CD302: variants seen among roughly 807,000 people sequenced by gnomAD.
CD302 encodes CD302 molecule, also known as CD302 antigen.
CD302 carries 23 observed loss-of-function variants against 26.5 expected under a neutral mutation model. The observed-to-expected ratio is 0.87, with a 90% CI of 0.62 to 1.23. CD302 has a LOEUF of 1.23. CD302 is among the 50% of genes most tolerant of loss of function. The probability of loss-of-function intolerance (pLI) is 0.00; values close to 1 mark genes in which losing one functional copy is unlikely to be tolerated. For synonymous variants in CD302, 90 were observed against 99.4 expected (o/e 0.91, Z 0.56); for missense variants, 290 against 275.5 (o/e 1.05, Z -0.37).
At chr2:159,777,378 G>C (rs777859995) in intron 5 of CD302, among the ~76,000 whole-genome samples, 6 of 152,212 alleles carry the variant, frequency 3.9e-5, no homozygotes, top group Non-Finnish European at 7.3e-5. Flanking sequence ...ACCATCATGG[G>C]ATGAACATGG....
chr2:159,784,346 C>CTTTTTTTTT, intron 1 of CD302, among the ~76,000 whole-genome samples: 1 of 53,066 alleles, frequency 1.9e-5, no homozygotes, highest in Non-Finnish European at 3.2e-5. Context: ...TTAAGTTCTG[C>CTTTTTTTTT]TTTTTTTTTT....
rs1276601356 is a variant in CD302, at chr2:159,771,918, G to A, written c.632C>T (p.Ser211Leu). 1.9e-6 allele frequency: 3 copies of A among 1,614,034 alleles called. No individual in the cohort carries two copies. The Admixed American group carries it at 5.0e-5, about 27-fold the overall frequency. ...CAAAACACAGTCTTCATTATAAGGT[G>A]ATTGGGGTGCGGTTGAAAAAACTGT... ...FTTVFSTAPQ[S>L]PYNEDCVLVV... Residue 211 changes from serine (S) to leucine (L), a missense_variant, in exon 6 of 6, where the codon TCA becomes TTA. Transcript: ENST00000259053.
chr2:159,795,981 T>G (rs1204063199), intron 1 of CD302, among the ~76,000 whole-genome samples: 2 of 152,256 alleles, frequency 1.3e-5, no homozygotes, highest in Non-Finnish European at 2.9e-5. Context: ...CGGAAAAACT[T>G]TTTAAAGCGA....
intron 1 of CD302, among the ~76,000 whole-genome samples, chr2:159,792,422 C>CTGTG (rs3138650): frequency 0.051 from 7,427 of 145,028 alleles, 301 homozygotes; most frequent in East Asian, 0.13. Flanking sequence ...AGAACCAACT[C>CTGTG]TGTGTGTGTG....
chr2:159,778,268 G>A (rs1020100621), intron 4 of CD302, among the ~76,000 whole-genome samples: 1 of 152,142 alleles, frequency 6.6e-6, no homozygotes, highest in South Asian at 2.1e-4. Flanking sequence ...TCTGGTTGGA[G>A]AGTCTAGAAA....
At chr2:159,789,488 C>CT in intron 1 of CD302, among the ~76,000 whole-genome samples, 1 of 151,580 alleles carries the variant, frequency 6.6e-6, no homozygotes, top group South Asian at 2.1e-4. Flanking sequence ...TCTGAAAACT[C>CT]TAATTTCTAG....
At position 159,794,799 on chromosome 2, in the gene CD302, C is replaced by T. The variant is rs1013496550; in HGVS notation, c.67+3333G>A. Among the ~76,000 whole-genome samples the T allele has an allele frequency of 4.0e-5, 6 of 151,618 alleles. No homozygotes were observed. In the South Asian group the frequency reaches 1.0e-3, roughly 26 times the overall value. On this transcript the variant is annotated intron_variant, in intron 1 of 5. Coordinates refer to ENST00000259053, the MANE Select transcript of CD302 (RefSeq NM_014880.5). ...TCCTGACCTCGTGATCCACCCGCCT[C>T]GGCCTCCCAAAGTGCTGGGATTACA...
intron 1 of CD302, among the ~76,000 whole-genome samples, chr2:159,793,022 T>G (rs922606674): frequency 6.6e-6 from 1 of 152,244 alleles, no homozygotes. Flanking sequence ...TTGACGTTCA[T>G]GCACCTCATG....
chr2:159,778,054 CCCTT>C, intron 4 of CD302, 90 bp from the exon 5 acceptor site: 1 of 213,278 alleles, frequency 4.7e-6, no homozygotes, highest in Non-Finnish European at 7.4e-6. Flanking sequence ...TAAAAATAAA[CCCTT>C]TTATTAGTAG....
Position 159,781,013 on chromosome 2 carries a change from A to G in CD302, c.179-15T>C, listed in dbSNP as rs113602739. The G allele has an allele frequency of 1.3e-5, 21 of 1,587,938 alleles. No homozygotes were observed. The highest frequency in any genetic ancestry group is 9.5e-5 in the African/African-American group (7 of 73,308). Reference sequence around the variant, plus strand: ...CATGTCCGCTCCTGAAATTATTTTAAAGAGAAAAAAAGTCAGCATATTCCA... The same window carrying G: ...CATGTCCGCTCCTGAAATTATTTTAGAGAGAAAAAAAGTCAGCATATTCCA... On this transcript the variant is annotated splice_polypyrimidine_tract_variant and intron_variant, in intron 2 of 5. Coordinates refer to ENST00000259053, the MANE Select transcript of CD302 (RefSeq NM_014880.5).
At position 159,771,660 on chromosome 2, in the gene CD302, A is replaced by G; in HGVS notation, c.*191T>C. ...TTAAAATCACTATATTAGATCTAAG[A>G]TCATTTCTAAAACCTGTTTTTTTAA... is the stretch of plus-strand genomic sequence containing the variant. On this transcript the variant is annotated 3_prime_UTR_variant, in exon 6 of 6. Transcript: ENST00000259053. The G allele has an allele frequency of 4.8e-6, 3 of 629,328 alleles. No homozygotes were observed. In the East Asian group the frequency reaches 9.2e-5, roughly 19 times the overall value. The allele number at this position is 629,328 out of a possible 1,614,324, so 39.0% of individuals were successfully genotyped here.
Position 159,770,879 on chromosome 2 carries a change from T to C in CD302, c.*972A>G, listed in dbSNP as rs908812040. ...TGATACGTGACTAATTTACGTGAAA[T>C]TTATACATTCTTTATCTTTCCTGTT... On this transcript the variant is annotated 3_prime_UTR_variant, in exon 6 of 6. Transcript: ENST00000259053. 5 of 152,172 alleles carry C rather than the reference T, an allele frequency of 3.3e-5. No individual in the cohort carries two copies. The highest frequency in any genetic ancestry group is 7.4e-5 in the Non-Finnish European group (5 of 68,004). The allele number at this position is 152,172 out of a possible 1,614,324, so 9.4% of individuals were successfully genotyped here. A position where few individuals can be genotyped will look rare whatever the true frequency, so the allele number is the denominator to read the frequency against.
In CD302 at chr2:159,771,647, T is replaced by C. The variant is rs1403428949; in HGVS notation, c.*204A>G. ...TTTGACGGGATGCTTAAAATCACTA[T>C]ATTAGATCTAAGATCATTTCTAAAA... On this transcript the variant is annotated 3_prime_UTR_variant, in exon 6 of 6. Coordinates refer to ENST00000259053, the MANE Select transcript of CD302 (RefSeq NM_014880.5). 17 of 560,944 alleles carry C rather than the reference T, an allele frequency of 3.0e-5. No homozygotes were observed. Among genetic ancestry groups the C allele is most frequent in the Non-Finnish European group, 4.2e-5 (14 of 330,852 alleles). The allele number at this position is 560,944 out of a possible 1,614,324, so 34.7% of individuals were successfully genotyped here. A position where few individuals can be genotyped will look rare whatever the true frequency, so the allele number is the denominator to read the frequency against.
At chr2:159,784,593 C>T (rs965205503) in intron 1 of CD302, among the ~76,000 whole-genome samples, 10 of 151,792 alleles carry the variant, frequency 6.6e-5, no homozygotes, top group Admixed American at 1.3e-4. Context: ...TAAGCACAAG[C>T]GATCCACCCG....
chr2:159,779,185 C>T lies in CD302; in HGVS notation c.469+820G>A, dbSNP rs546255445. Among the ~76,000 whole-genome samples the T allele has an allele frequency of 1.3e-3, 154 of 117,632 alleles. 1 individual carries two copies. The highest frequency in any genetic ancestry group is 1.8e-3 in the Non-Finnish European group (97 of 52,606). The allele number at this position is 117,632 out of a possible 152,430, so 77.2% of individuals were successfully genotyped here. Reference sequence around the variant, plus strand: ...GGCAGAGGTTGCAGTGAGCCAAGATCGCGCCACCGCACTCCAGCCTGGGCG... The same window carrying T: ...GGCAGAGGTTGCAGTGAGCCAAGATTGCGCCACCGCACTCCAGCCTGGGCG... On this transcript the variant is annotated intron_variant, in intron 4 of 5. Coordinates refer to ENST00000259053, the MANE Select transcript of CD302 (RefSeq NM_014880.5).
chr2:159,795,787 G>A (rs1372365174), intron 1 of CD302, among the ~76,000 whole-genome samples: 1 of 152,208 alleles, frequency 6.6e-6, no homozygotes, highest in Admixed American at 6.5e-5. Flanking sequence ...GAAGAAGGCA[G>A]AGGCACCTCA....
rs548239199 is a variant in CD302, at chr2:159,770,519, ATCTC to A, written c.*1328_*1331del. The A allele has an allele frequency of 6.6e-6, 1 of 152,180 alleles. No homozygotes were observed. The highest frequency in any genetic ancestry group is 1.5e-5 in the Non-Finnish European group (1 of 68,036). 9.4% of individuals were successfully genotyped at this position (152,180 alleles called of 1,614,324 possible). A position where few individuals can be genotyped will look rare whatever the true frequency, so the allele number is the denominator to read the frequency against. ...AGCTAGTGAGATAGTATATCTATCT[ATCTC>A]CCCAGAAGAAAGTAAGATAATTGAT... On this transcript the variant is annotated 3_prime_UTR_variant, in exon 6 of 6. Transcript: ENST00000259053.
At chr2:159,780,275 G>A (rs1231538659) in intron 3 of CD302, 97 bp from the exon 4 acceptor site, 15 of 1,329,578 alleles carry the variant, frequency 1.1e-5, no homozygotes, top group Non-Finnish European at 1.4e-5. Context: ...ACTAAGGTAT[G>A]TCTGGTCTAA....
intron 1 of CD302, among the ~76,000 whole-genome samples, chr2:159,793,918 G>A (rs543630219): frequency 2.6e-5 from 4 of 151,786 alleles, no homozygotes; most frequent in Non-Finnish European, 5.9e-5. Flanking sequence ...TTTCTCTTTG[G>A]GCATCACTGG....
Sources: gnomAD v4.1 joint callset for allele counts (sites outside exome capture counted in the v4.1 genomes callset) on GRCh38, gnomAD v4.1.1 for gene constraint, MANE v1.5 for transcripts, NCBI Gene and HGNC (gene_info 2026-07-23, HGNC 2026-07-21) for gene names.